The following IGFL2 variants were observed in gnomAD, a reference collection of about 807,000 sequenced individuals.
The protein encoded by IGFL2 is IGF like family member 2.
In IGFL2, 7 loss-of-function variants were observed where a neutral mutation model predicts 13.9. The observed-to-expected ratio is 0.51, with a 90% CI of 0.29 to 0.95. The LOEUF is 0.95. IGFL2 is among the 40% of genes least tolerant of loss of function. The pLI is 0.08. For synonymous variants in IGFL2, 55 were observed against 55.8 expected (o/e 0.99, Z 0.07); for missense variants, 138 against 147.8 (o/e 0.93, Z 0.34).
upstream of IGFL2, among the ~76,000 whole-genome samples, chr19:46,138,899 G>A (rs1345400355): frequency 6.6e-6 from 1 of 152,132 alleles, no homozygotes; most frequent in Non-Finnish European, 1.5e-5. Flanking sequence ...CTTGGAGAAT[G>A]AGCATCCCTG....
the IGFL2 span, chr19:46,197,261 C>T: frequency 5.2e-6 from 1 of 192,344 alleles, no homozygotes; most frequent in African/African-American, 2.3e-5. Flanking sequence ...TTGACCCTGA[C>T]CTCAGATAAC....
chr19:46,112,389 G>C, the IGFL2 span, among the ~76,000 whole-genome samples: 1 of 152,146 alleles, frequency 6.6e-6, no homozygotes. Flanking sequence ...TAGTGACCCT[G>C]TTTTTCCAAT....
the IGFL2 span, among the ~76,000 whole-genome samples, chr19:46,127,886 C>T: frequency 6.6e-6 from 1 of 152,130 alleles, no homozygotes; most frequent in Non-Finnish European, 1.5e-5. Context: ...GGTGAAGCGA[C>T]ACCCCAAGGA....
At chr19:46,156,950 A>G (rs541809221) in intron 1 of IGFL2, among the ~76,000 whole-genome samples, 1 of 152,290 alleles carries the variant, frequency 6.6e-6, no homozygotes, top group East Asian at 1.9e-4. Flanking sequence ...ATGAGACAGG[A>G]GATATAGGTT....
chr19:46,183,091 C>T, the IGFL2 span, among the ~76,000 whole-genome samples: 23 of 152,210 alleles, frequency 1.5e-4, no homozygotes, highest in Admixed American at 1.2e-3. Context: ...GGGGAGGCCT[C>T]GGGAAACTCG....
chr19:46,184,071 G>A, the IGFL2 span, among the ~76,000 whole-genome samples: 3 of 152,040 alleles, frequency 2.0e-5, no homozygotes, highest in Non-Finnish European at 4.4e-5. Context: ...TGGAGATCAC[G>A]TTTTCTCATT....
At chr19:46,108,116 C>A in the IGFL2 span, among the ~76,000 whole-genome samples, 5 of 151,838 alleles carry the variant, frequency 3.3e-5, no homozygotes, top group African/African-American at 1.2e-4. Context: ...AGAATTGGGA[C>A]CTGGCTCAGC....
chr19:46,132,612 A>T, the IGFL2 span, among the ~76,000 whole-genome samples: 2 of 150,344 alleles, frequency 1.3e-5, no homozygotes, highest in Non-Finnish European at 3.0e-5. Context: ...GAGGGCCAGT[A>T]TGACAGAGAA....
chr19:46,177,389 TCTCA>T, the IGFL2 span, among the ~76,000 whole-genome samples: 1 of 152,128 alleles, frequency 6.6e-6, no homozygotes, highest in African/African-American at 2.4e-5. Flanking sequence ...TGAGACTCCG[TCTCA>T]AAACAATATA....
At chr19:46,145,766 T>G (rs1033725706), upstream of IGFL2, among the ~76,000 whole-genome samples, 3 of 152,126 alleles carry the variant, frequency 2.0e-5, no homozygotes, top group Non-Finnish European at 4.4e-5. Context: ...TTCATGTGCT[T>G]ATTTGCTATC....
chr19:46,129,557 G>C, the IGFL2 span, among the ~76,000 whole-genome samples: 8 of 152,130 alleles, frequency 5.3e-5, no homozygotes, highest in East Asian at 1.2e-3. Flanking sequence ...CTGGTATATT[G>C]TATCTTTGTT....
intron 1 of IGFL2, among the ~76,000 whole-genome samples, chr19:46,155,989 A>C (rs1422091561): frequency 2.6e-5 from 4 of 152,168 alleles, no homozygotes; most frequent in Non-Finnish European, 4.4e-5. Context: ...ATTTTTAAAA[A>C]AAATATGTAT....
intron 1 of IGFL2, among the ~76,000 whole-genome samples, chr19:46,154,437 G>GGTTTT (rs755935199): frequency 1.1e-4 from 16 of 151,896 alleles, no homozygotes; most frequent in Admixed American, 2.0e-4. Context: ...TGGATTTTTG[G>GGTTTT]GTTTTGTTTT....
the IGFL2 span, among the ~76,000 whole-genome samples, chr19:46,109,237 A>G: frequency 1.3e-5 from 2 of 151,828 alleles, no homozygotes; most frequent in African/African-American, 4.8e-5. Flanking sequence ...GGAATAGGCA[A>G]TGGAGTTAGG....
the IGFL2 span, among the ~76,000 whole-genome samples, chr19:46,166,736 G>A: frequency 1.3e-5 from 2 of 152,104 alleles, no homozygotes; most frequent in East Asian, 1.9e-4. Flanking sequence ...TCTCAGGGAC[G>A]TTCCATGCTG....
At chr19:46,152,765 G>A (rs985742993) in intron 1 of IGFL2, among the ~76,000 whole-genome samples, 1 of 152,202 alleles carries the variant, frequency 6.6e-6, no homozygotes, top group African/African-American at 2.4e-5. Context: ...TAGGGGGAAA[G>A]TATTCAATCT....
At chr19:46,175,293 A>C in the IGFL2 span, among the ~76,000 whole-genome samples, 2 of 152,184 alleles carry the variant, frequency 1.3e-5, no homozygotes, top group Non-Finnish European at 2.9e-5. Context: ...AAATTGAATA[A>C]TTCACAGTGA....
At chr19:46,150,946 A>G (rs1449761918) in intron 1 of IGFL2, among the ~76,000 whole-genome samples, 1 of 152,198 alleles carries the variant, frequency 6.6e-6, no homozygotes, top group Non-Finnish European at 1.5e-5. Flanking sequence ...GATTGCAGGT[A>G]TGAGCCATCA....
chr19:46,178,338 C>T, the IGFL2 span, among the ~76,000 whole-genome samples: 2 of 151,890 alleles, frequency 1.3e-5, no homozygotes, highest in Admixed American at 6.5e-5. Context: ...CAATAAGATA[C>T]CAAATTTCAA....
Sources: allele counts gnomAD v4.1 joint callset (sites outside exome capture counted in the v4.1 genomes callset), GRCh38; gene constraint gnomAD v4.1.1; transcripts MANE v1.5; gene names NCBI Gene and HGNC (gene_info 2026-07-23, HGNC 2026-07-21).